DNAJC1: variants seen among roughly 807,000 people sequenced by gnomAD.
DNAJC1 encodes the protein dnaJ homolog subfamily C member 1.
DNAJC1 carries 58 observed loss-of-function variants against 76.6 expected under a neutral mutation model. The observed-to-expected ratio is 0.76, with a 90% CI of 0.61 to 0.94. The LOEUF is 0.94. Among genes scored for constraint, DNAJC1 ranks in the 40% least tolerant of loss-of-function variants. The pLI is 0.00. For missense variants in DNAJC1, 689 were observed against 677.3 expected (o/e 1.02, Z -0.19); for synonymous variants, 258 against 267.9 (o/e 0.96, Z 0.36).
At chr10:21,775,925 G>T (rs866316226) in intron 9 of DNAJC1, among the ~76,000 whole-genome samples, 2 of 152,058 alleles carry the variant, frequency 1.3e-5, no homozygotes, top group Non-Finnish European at 2.9e-5. Context: ...CACATGGATT[G>T]TAACTGTGGT....
At chr10:21,828,557 C>A (rs1476794009) in intron 8 of DNAJC1, among the ~76,000 whole-genome samples, 14 of 152,068 alleles carry the variant, frequency 9.2e-5, no homozygotes, top group Admixed American at 2.6e-4. Context: ...GTCTTAAGAT[C>A]AAAAAATTTA....
intron 8 of DNAJC1, among the ~76,000 whole-genome samples, chr10:21,869,906 CAA>C (rs1836074686): frequency 6.6e-6 from 1 of 151,996 alleles, no homozygotes; most frequent in African/African-American, 2.4e-5. Context: ...AACTTCCCAT[CAA>C]TCTATAATTT....
intron 9 of DNAJC1, among the ~76,000 whole-genome samples, chr10:21,794,924 T>G (rs924812862): frequency 6.6e-6 from 1 of 152,196 alleles, no homozygotes; most frequent in Admixed American, 6.5e-5. Flanking sequence ...TTTTGTAATA[T>G]CTGTATTCCA....
At chr10:21,817,327 C>T (rs900312408) in intron 8 of DNAJC1, among the ~76,000 whole-genome samples, 1 of 152,056 alleles carries the variant, frequency 6.6e-6, no homozygotes, top group Non-Finnish European at 1.5e-5. Context: ...TTAAATTACA[C>T]ATAAATGTTT....
intron 1 of DNAJC1, among the ~76,000 whole-genome samples, chr10:21,997,918 T>A (rs534332213): frequency 1.2e-4 from 18 of 152,186 alleles, no homozygotes; most frequent in Non-Finnish European, 2.2e-4. Flanking sequence ...AATGACTGAC[T>A]GGCACCATGA....
chr10:21,916,285 C>T (rs190229270), intron 6 of DNAJC1, among the ~76,000 whole-genome samples: 34 of 152,184 alleles, frequency 2.2e-4, no homozygotes, highest in Admixed American at 1.6e-3. Context: ...ATCAGGAGAT[C>T]GAGACCATCC....
chr10:21,804,676 A>C (rs1275781760), intron 9 of DNAJC1, among the ~76,000 whole-genome samples: 2 of 151,874 alleles, frequency 1.3e-5, no homozygotes, highest in Non-Finnish European at 2.9e-5. Context: ...AAAAAAAAAA[A>C]AGTTACAAAA....
intron 1 of DNAJC1, among the ~76,000 whole-genome samples, chr10:21,958,036 C>T (rs898303304): frequency 3.9e-5 from 6 of 152,168 alleles, no homozygotes; most frequent in Non-Finnish European, 8.8e-5. Flanking sequence ...CTACCTAACA[C>T]TGGTTTTACC....
rs1056338822 is a variant in DNAJC1, at chr10:21,834,654, C to T, written c.979-28555G>A. Among the ~76,000 whole-genome samples, 10 of 152,188 alleles carry T rather than the reference C, an allele frequency of 6.6e-5. No homozygotes were observed. The East Asian group carries it at 7.7e-4, about 12-fold the overall frequency. On this transcript the variant is annotated intron_variant, in intron 8 of 11. Transcript: ENST00000376980. ...GCACTTTTCCAACGGACTTAAAAAACGGCACACCAGGAGATTATATCCCGC... is the reference window on the plus strand; with the variant it reads ...GCACTTTTCCAACGGACTTAAAAAATGGCACACCAGGAGATTATATCCCGC...
At chr10:21,911,804 TTC>T (rs1267200476) in intron 6 of DNAJC1, among the ~76,000 whole-genome samples, 6 of 152,186 alleles carry the variant, frequency 3.9e-5, no homozygotes, top group Non-Finnish European at 5.9e-5. Flanking sequence ...TATATAATCA[TTC>T]TGTTTGTTTT....
At chr10:21,818,710 A>G (rs980542252) in intron 8 of DNAJC1, among the ~76,000 whole-genome samples, 2 of 152,222 alleles carry the variant, frequency 1.3e-5, no homozygotes, top group African/African-American at 4.8e-5. Flanking sequence ...CATGACTATC[A>G]GGGGCAGGTT....
chr10:21,780,537 G>A (rs1165082277), intron 9 of DNAJC1, among the ~76,000 whole-genome samples: 1 of 152,138 alleles, frequency 6.6e-6, no homozygotes, highest in Non-Finnish European at 1.5e-5. Context: ...TTACAGACAA[G>A]CAAATGCTGA....
intron 1 of DNAJC1, among the ~76,000 whole-genome samples, chr10:21,961,511 T>C (rs1016047330): frequency 3.3e-5 from 5 of 152,046 alleles, no homozygotes; most frequent in African/African-American, 1.2e-4. Flanking sequence ...TTATAAGAAA[T>C]ATCTAGAATA....
chr10:21,855,622 C>T (rs917685683), intron 8 of DNAJC1, among the ~76,000 whole-genome samples: 3 of 152,098 alleles, frequency 2.0e-5, no homozygotes, highest in Non-Finnish European at 4.4e-5. Context: ...CAGATTGAGA[C>T]TTACCACTGG....
chr10:21,946,049 C>CTTTTTTTTTTTTTTTTTTT (rs71510915), intron 1 of DNAJC1, among the ~76,000 whole-genome samples: 2 of 93,306 alleles, frequency 2.1e-5, no homozygotes, highest in Non-Finnish European at 3.9e-5. Context: ...TTCTTTTCCT[C>CTTTTTTTTTTTTTTTTTTT]TTTTTTTTTT....
intron 9 of DNAJC1, among the ~76,000 whole-genome samples, chr10:21,775,589 C>T (rs1341438622): frequency 3.3e-5 from 5 of 152,028 alleles, no homozygotes; most frequent in African/African-American, 4.8e-5. Context: ...TCCATGACCA[C>T]GGTCATCACC....
intron 8 of DNAJC1, among the ~76,000 whole-genome samples, chr10:21,839,180 A>C (rs1319739412): frequency 1.3e-5 from 2 of 152,232 alleles, no homozygotes; most frequent in African/African-American, 2.4e-5. Flanking sequence ...CTAACATCAC[A>C]ATTAAAAGAA....
intron 1 of DNAJC1, among the ~76,000 whole-genome samples, chr10:21,968,759 C>A (rs1378376172): frequency 1.3e-5 from 2 of 152,114 alleles, no homozygotes; most frequent in African/African-American, 4.8e-5. Context: ...ATCTGCCCAC[C>A]TAGGCCCTGC....
rs56239918 is a variant in DNAJC1, at chr10:21,911,040, A to AAAGGAAGG, written c.730-6436_730-6429dup. The stretch of plus-strand genomic sequence containing the variant: ...GAGAAAAAGAGAAAGAAAGAGAGAG[A>AAAGGAAGG]AAGGAAGGAAGGAAGGAAGGAAGGA... On this transcript the variant is annotated intron_variant, in intron 6 of 11. Transcript: ENST00000376980. Among the ~76,000 whole-genome samples, 407 of 130,114 alleles carry AAAGGAAGG rather than the reference A, an allele frequency of 3.1e-3. 1 individual carries two copies. The highest frequency in any genetic ancestry group is 7.9e-3 in the Middle Eastern group (2 of 254). 85.4% of individuals were successfully genotyped at this position (130,114 alleles called of 152,430 possible).
Sources: allele counts gnomAD v4.1 joint callset (sites outside exome capture counted in the v4.1 genomes callset), GRCh38; gene constraint gnomAD v4.1.1; transcripts MANE v1.5; gene names NCBI Gene and HGNC (gene_info 2026-07-23, HGNC 2026-07-21).